The following ASAP1 variants were observed in gnomAD, a reference collection of about 807,000 sequenced individuals.
ASAP1 encodes the protein ArfGAP with SH3 domain, ankyrin repeat and PH domain 1.
Under a neutral mutation model 145.2 loss-of-function variants are expected in ASAP1, and 43 were observed. The observed-to-expected ratio is 0.30, with a 90% CI of 0.23 to 0.38. The LOEUF is 0.38. ASAP1 is among the 10% of genes least tolerant of loss of function. The pLI, the probability that ASAP1 is intolerant of heterozygous loss-of-function variation, is 1.00. For synonymous variants in ASAP1, 546 were observed against 515.5 expected (o/e 1.06, Z -0.80); for missense variants, 1,018 against 1,355.3 (o/e 0.75, Z 3.91).
At chr8:130,119,704 T>C (rs2097562465) in intron 18 of ASAP1, among the ~76,000 whole-genome samples, 1 of 152,168 alleles carries the variant, frequency 6.6e-6, no homozygotes, top group Non-Finnish European at 1.5e-5. Context: ...ATGAGCTAAT[T>C]AATAAAGACA....
At chr8:130,421,815 C>T (rs539433799) in intron 1 of ASAP1, among the ~76,000 whole-genome samples, 10 of 152,328 alleles carry the variant, frequency 6.6e-5, no homozygotes, top group Non-Finnish European at 1.3e-4. Context: ...CTAACTAATA[C>T]ACCATCCCAG....
chr8:130,276,728 A>ACACACTCT lies in ASAP1; in HGVS notation c.187-39735_187-39734insAGAGTGTG, dbSNP rs548512902. 3.1e-3 allele frequency among the ~76,000 whole-genome samples: 270 copies of ACACACTCT among 87,310 alleles called. 2 individuals carry two copies. The highest frequency in any genetic ancestry group is 0.022 in the East Asian group (44 of 2,026). The allele number at this position is 87,310 out of a possible 152,430, so 57.3% of individuals were successfully genotyped here. On this transcript the variant is annotated intron_variant, in intron 3 of 29. Transcript: ENST00000518721. Reference sequence around the variant, plus strand: ...CACACACACACACACACACACACACACTCTCTCTCTCTCTCTCTCTCTCTC... The same window carrying ACACACTCT: ...CACACACACACACACACACACACACACACACTCTCTCTCTCTCTCTCTCTCTCTCTCTC...
At chr8:130,315,754 A>C (rs1823628287) in intron 3 of ASAP1, among the ~76,000 whole-genome samples, 1 of 152,208 alleles carries the variant, frequency 6.6e-6, no homozygotes, top group Non-Finnish European at 1.5e-5. Flanking sequence ...TGGCGTACAG[A>C]GGAAATTGGA....
chr8:130,241,745 T>C (rs1220886292), intron 3 of ASAP1, among the ~76,000 whole-genome samples: 2 of 152,144 alleles, frequency 1.3e-5, no homozygotes, highest in Non-Finnish European at 2.9e-5. Flanking sequence ...TAACAGGACA[T>C]TGCCTTCAAA....
At chr8:130,319,265 G>A (rs1823857682) in intron 3 of ASAP1, among the ~76,000 whole-genome samples, 1 of 152,136 alleles carries the variant, frequency 6.6e-6, no homozygotes, top group Non-Finnish European at 1.5e-5. Flanking sequence ...GCCCCCAGCT[G>A]CTACTAATTT....
At chr8:130,129,156 C>T (rs1009834249) in intron 15 of ASAP1, among the ~76,000 whole-genome samples, 10 of 152,200 alleles carry the variant, frequency 6.6e-5, no homozygotes, top group Non-Finnish European at 1.0e-4. Flanking sequence ...GTTTGCTGCC[C>T]TTCCACCATA....
chr8:130,401,852 T>C (rs770204474), intron 2 of ASAP1, 33 bp downstream of exon 2: 1 of 1,598,122 alleles, frequency 6.3e-7, no homozygotes, highest in Non-Finnish European at 8.5e-7. Context: ...CCACGCCGAG[T>C]TTTCTGGACA....
At chr8:130,072,482 C>T (rs62524625) in intron 27 of ASAP1, among the ~76,000 whole-genome samples, 45,108 of 144,014 alleles carry the variant, frequency 0.31, 7,342 homozygotes, top group East Asian at 0.64. Flanking sequence ...GCCATGATTG[C>T]GAGGCCTCCC....
intron 3 of ASAP1, among the ~76,000 whole-genome samples, chr8:130,286,843 A>T (rs1821643987): frequency 6.6e-6 from 1 of 152,238 alleles, no homozygotes; most frequent in Non-Finnish European, 1.5e-5. Context: ...AATGATGAGA[A>T]GCAAAAGTTC....
chr8:130,418,830 C>T (rs926269315), intron 1 of ASAP1, among the ~76,000 whole-genome samples: 1 of 151,782 alleles, frequency 6.6e-6, no homozygotes, highest in Non-Finnish European at 1.5e-5. Flanking sequence ...AAAAAGATCT[C>T]CTTCCCTAAA....
At chr8:130,285,790 G>A (rs1373687513) in intron 3 of ASAP1, among the ~76,000 whole-genome samples, 3 of 152,172 alleles carry the variant, frequency 2.0e-5, no homozygotes, top group Non-Finnish European at 4.4e-5. Context: ...GCATATCACC[G>A]TGGAAAGTTT....
intron 4 of ASAP1, among the ~76,000 whole-genome samples, chr8:130,217,470 C>T (rs1228491649): frequency 6.6e-6 from 1 of 151,216 alleles, no homozygotes; most frequent in Non-Finnish European, 1.5e-5. Context: ...TATATATACA[C>T]GTATATATAC....
chr8:130,088,930 T>C (rs1317114631), intron 25 of ASAP1, among the ~76,000 whole-genome samples: 1 of 152,230 alleles, frequency 6.6e-6, no homozygotes, highest in African/African-American at 2.4e-5. Context: ...TCAAAGATAC[T>C]TGCTGAAAAT....
At chr8:130,396,340 C>G (rs993811602) in intron 2 of ASAP1, among the ~76,000 whole-genome samples, 1 of 152,146 alleles carries the variant, frequency 6.6e-6, no homozygotes, top group East Asian at 1.9e-4. Flanking sequence ...GGACCTGGCA[C>G]ACAGTCGCTG....
intron 2 of ASAP1, among the ~76,000 whole-genome samples, chr8:130,364,174 A>T (rs545816278): frequency 6.6e-6 from 1 of 152,356 alleles, no homozygotes; most frequent in South Asian, 2.1e-4. Context: ...GTTTGGAGAC[A>T]AAAAACTACT....
At chr8:130,311,837 T>C (rs1823373217) in intron 3 of ASAP1, among the ~76,000 whole-genome samples, 1 of 149,294 alleles carries the variant, frequency 6.7e-6, no homozygotes, top group Admixed American at 6.7e-5. Flanking sequence ...GGCTAAATAA[T>C]AATAGTATGT....
intron 18 of ASAP1, among the ~76,000 whole-genome samples, chr8:130,122,308 TA>T (rs2097567635): frequency 6.6e-6 from 1 of 152,202 alleles, no homozygotes; most frequent in Non-Finnish European, 1.5e-5. Flanking sequence ...CTTCAGCACC[TA>T]CAAGACTGGC....
chr8:130,234,478 C>A (rs1401732152), intron 4 of ASAP1, among the ~76,000 whole-genome samples: 2 of 152,104 alleles, frequency 1.3e-5, no homozygotes, highest in Non-Finnish European at 2.9e-5. Flanking sequence ...CCAAACTCTG[C>A]ATACAGCCCT....
chr8:130,401,629 G>C (rs1328896112), intron 2 of ASAP1, among the ~76,000 whole-genome samples: 1 of 152,030 alleles, frequency 6.6e-6, no homozygotes, highest in Non-Finnish European at 1.5e-5. Flanking sequence ...TGCTACTCTT[G>C]ACTTCTTATA....
Sources: gnomAD v4.1 joint callset for allele counts (sites outside exome capture counted in the v4.1 genomes callset) on GRCh38, gnomAD v4.1.1 for gene constraint, MANE v1.5 for transcripts, NCBI Gene and HGNC (gene_info 2026-07-23, HGNC 2026-07-21) for gene names.